The following CEP164 variants were observed in gnomAD, a reference collection of about 807,000 sequenced individuals.
CEP164 encodes centrosomal protein 164.
A neutral mutation model predicts 182.7 loss-of-function variants in CEP164; 162 were observed. That is an observed-to-expected ratio of 0.89 (90% CI 0.78 to 1.01). CEP164 has a LOEUF of 1.01. Ranked by LOEUF, CEP164 falls within the 50% of genes least tolerant of loss-of-function variation. CEP164 has a pLI of 0.00. For missense variants in CEP164, 1,735 were observed against 1,790.4 expected (o/e 0.97, Z 0.56); for synonymous variants, 661 against 690.0 (o/e 0.96, Z 0.66).
chr11:117,387,328 A>G lies in CEP164; in HGVS notation c.1850A>G (p.Lys617Arg), dbSNP rs781432026. The change falls in exon 15 of 33, where the codon AAG (lysine) becomes AGG (arginine). Residue 617 changes from lysine (K) to arginine (R), a missense_variant. By Grantham distance (26) the Lys-to-Arg change is conservative. Coordinates refer to ENST00000278935, the MANE Select transcript of CEP164 (RefSeq NM_014956.5). ...CACCTGCTGGAATCCAAGCAAGAGAAGATGCAGCAACTGCGGGAGAAGCTG... is the reference window on the plus strand; with the variant it reads ...CACCTGCTGGAATCCAAGCAAGAGAGGATGCAGCAACTGCGGGAGAAGCTG... Reference protein sequence around the residue: ...QRHLLESKQEKMQQLREKLCQ... With the variant: ...QRHLLESKQERMQQLREKLCQ... The G allele has an allele frequency of 6.2e-7, 1 of 1,614,204 alleles. No homozygotes were observed. Among genetic ancestry groups the G allele is most frequent in the African/African-American group, 1.3e-5 (1 of 75,060 alleles).
At chr11:117,363,600 GAA>G in intron 8 of CEP164, 94 bp downstream of exon 8, 1 of 865,774 alleles carries the variant, frequency 1.2e-6, no homozygotes. Flanking sequence ...TGCATATTTG[GAA>G]AAAGAACCAT....
Position 117,397,396 on chromosome 11 carries a change from C to T in CEP164, c.3501+83C>T, listed in dbSNP as rs80336002. 2.1e-3 allele frequency: 2,792 copies of T among 1,342,572 alleles called. 2 individuals carry two copies. The highest frequency in any genetic ancestry group is 2.6e-3 in the Non-Finnish European group (2,558 of 983,024). 83.2% of individuals were successfully genotyped at this position (1,342,572 alleles called of 1,614,324 possible). A position where few individuals can be genotyped will look rare whatever the true frequency, so the allele number is the denominator to read the frequency against. On this transcript the variant is annotated intron_variant, in intron 27 of 32. Coordinates refer to ENST00000278935, the MANE Select transcript of CEP164 (RefSeq NM_014956.5). ...CAAAACAGTCCTTTGGGCTCCCCCTCAGTTGGTCATTCTCGGGACTCCATG... is the reference window on the plus strand; with the variant it reads ...CAAAACAGTCCTTTGGGCTCCCCCTTAGTTGGTCATTCTCGGGACTCCATG...
At chr11:117,375,600 C>A in intron 10 of CEP164, 108 bp from the exon 11 acceptor site, 1 of 815,736 alleles carries the variant, frequency 1.2e-6, no homozygotes. Flanking sequence ...CAGAGCTGGG[C>A]ACATAATAGA....
chr11:117,341,101 A>C (rs578185253), intron 3 of CEP164, among the ~76,000 whole-genome samples: 67 of 152,356 alleles, frequency 4.4e-4, no homozygotes, highest in Admixed American at 7.2e-4. Flanking sequence ...TGCTGGGATT[A>C]CAGGTGTGAG....
chr11:117,339,920 A>G (rs1293180476), intron 3 of CEP164, among the ~76,000 whole-genome samples: 2 of 152,164 alleles, frequency 1.3e-5, no homozygotes, highest in Non-Finnish European at 2.9e-5. Context: ...AAGGCACAGA[A>G]AGATTAACTT....
At position 117,396,562 on chromosome 11, in the gene CEP164, G is replaced by A; in HGVS notation, c.3229G>A (p.Glu1077Lys). ...RKSLGTNQTK[E>K]VSSSLSQSKE... is the part of the protein sequence containing the mutation. The stretch of plus-strand genomic sequence containing the variant: ...CATGTGTCCCTAGAACCAGACCAAA[G>A]AGGTGTCTTCTTCTCTCTCCCAGAG... The change falls in exon 26 of 33, where the codon GAG becomes AAG. Residue 1077 changes from glutamate to lysine, a missense_variant. Physicochemically the swap from Glu to Lys is moderately conservative, Grantham distance 56. Coordinates refer to ENST00000278935, the MANE Select transcript of CEP164 (RefSeq NM_014956.5). 1 of 1,613,830 alleles carries A rather than the reference G, an allele frequency of 6.2e-7. No individual in the cohort carries two copies. The highest frequency in any genetic ancestry group is 8.5e-7 in the Non-Finnish European group (1 of 1,179,694).
At position 117,351,816 on chromosome 11, in the gene CEP164, A is replaced by G; in HGVS notation, c.221A>G (p.Tyr74Cys). The G allele has an allele frequency of 6.2e-7, 1 of 1,612,146 alleles. No homozygotes were observed. Among genetic ancestry groups the G allele is most frequent in the Admixed American group, 1.7e-5 (1 of 59,770 alleles). Residue 74 changes from tyrosine (Y) to cysteine (C), a missense_variant, in exon 5 of 33, where the codon TAT (tyrosine) becomes TGT (cysteine). Transcript: ENST00000278935. ...PCQDITGDIYYFNFANGQSMW... is the reference protein window; with the variant it reads ...PCQDITGDIYCFNFANGQSMW... ...CAGGACATCACAGGTGACATTTACT[A>G]TTTCAACTTCGCCAACGGGCAGTCT...
chr11:117,371,035 A>C, intron 8 of CEP164, 45 bp from the exon 9 acceptor site: 1 of 1,521,346 alleles, frequency 6.6e-7, no homozygotes, highest in Non-Finnish European at 8.8e-7. Flanking sequence ...CTCCTTTTGC[A>C]CATTCCTTTT....
chr11:117,381,503 G>A (rs1013680631), intron 12 of CEP164, among the ~76,000 whole-genome samples, 198 bp from the exon 13 acceptor site: 1 of 152,128 alleles, frequency 6.6e-6, no homozygotes, highest in African/African-American at 2.4e-5. Flanking sequence ...TAAAAGGAGG[G>A]CTCAGGAGGG....
intron 13 of CEP164, 141 bp downstream of exon 13, chr11:117,382,009 C>G: frequency 1.4e-6 from 1 of 699,944 alleles, no homozygotes; most frequent in South Asian, 2.1e-5. Flanking sequence ...GGTTTGTAGC[C>G]TCAGCAGCAG....
intron 27 of CEP164, among the ~76,000 whole-genome samples, chr11:117,405,431 G>A (rs551219569): frequency 1.2e-4 from 19 of 152,106 alleles, no homozygotes; most frequent in Middle Eastern, 3.2e-3. Flanking sequence ...CTTGTGCTTC[G>A]TGGGTGAGGC....
intron 8 of CEP164, among the ~76,000 whole-genome samples, chr11:117,370,230 AG>A (rs1233435796): frequency 2.6e-5 from 4 of 151,812 alleles, no homozygotes; most frequent in African/African-American, 4.8e-5. Context: ...GTGCTCGGTG[AG>A]GATGCTGTCT....
At chr11:117,327,205 A>C (rs1372444662), upstream of CEP164, among the ~76,000 whole-genome samples, 1 of 152,154 alleles carries the variant, frequency 6.6e-6, no homozygotes, top group Non-Finnish European at 1.5e-5. Flanking sequence ...GTTTAATAGG[A>C]GCACAGGAGA....
chr11:117,322,972 C>A (rs2035307981), upstream of CEP164, among the ~76,000 whole-genome samples: 1 of 151,792 alleles, frequency 6.6e-6, no homozygotes, highest in Admixed American at 6.6e-5. Context: ...CACTGTGTTG[C>A]CCAGGCTGGT....
Position 117,412,128 on chromosome 11 carries a change from GC to G in CEP164, c.4345del (p.Asp1450MetfsTer6). The G allele has an allele frequency of 6.2e-7, 1 of 1,614,190 alleles. No homozygotes were observed. The highest frequency in any genetic ancestry group is 1.3e-5 in the African/African-American group (1 of 75,046). ...PKATLSLLQLGLDEHNRVKVY... is the reference protein window; with the variant it reads ...PKATLSLLQLXLDEHNRVKVY... The stretch of plus-strand genomic sequence containing the variant: ...GCTACTTTGAGCCTCCTGCAGCTGG[GC>G]CTTGATGAGCACAACAGAGTGAAGG... On this transcript the variant is annotated frameshift_variant, in exon 33 of 33. Transcript: ENST00000278935. LOFTEE classifies it high-confidence loss of function.
In CEP164 at chr11:117,351,982, T is replaced by C. The variant is rs769536701; in HGVS notation, c.387T>C (p.Ser129=). 8.3e-6 allele frequency: 13 copies of C among 1,571,342 alleles called. No homozygotes were observed. The highest frequency in any genetic ancestry group is 1.1e-5 in the Non-Finnish European group (13 of 1,158,422). The change falls in exon 5 of 33, where the codon AGT becomes AGC. Residue 129 remains serine (S), a synonymous_variant. Coordinates refer to ENST00000278935, the MANE Select transcript of CEP164 (RefSeq NM_014956.5). ...AGAAGGACAGAGACCCCCCCAAAAGTTCGCTGGTGAGTCAGTGGATGCCTC... is the reference window on the plus strand; with the variant it reads ...AGAAGGACAGAGACCCCCCCAAAAGCTCGCTGGTGAGTCAGTGGATGCCTC... ...KDKKDRDPPK[S]SLALGSSLAP... is the part of the protein sequence containing the mutation.
Position 117,394,927 on chromosome 11 carries a change from AG to A in CEP164, c.2769del (p.Lys923AsnfsTer5), listed in dbSNP as rs1464192510. On this transcript the variant is annotated frameshift_variant, in exon 22 of 33. Transcript: ENST00000278935. LOFTEE classifies it high-confidence loss of function. The surrounding 1 kb of genome is among the most constrained non-coding windows in gnomAD (Gnocchi z 4.0). Reference sequence around the variant, plus strand: ...GTTTCCCTTTCTGGGCAGGAAAGGAAGCTCCAGGATTTAGAGTTGGACCTTG... The same window carrying A: ...GTTTCCCTTTCTGGGCAGGAAAGGAACTCCAGGATTTAGAGTTGGACCTTG... ...LRRRHREQER[K>X]LQDLELDLET... is the part of the protein sequence containing the mutation. The A allele has an allele frequency of 1.2e-6, 2 of 1,613,996 alleles. No homozygotes were observed. The highest frequency in any genetic ancestry group is 1.7e-6 in the Non-Finnish European group (2 of 1,179,998).
At chr11:117,388,841 C>T (rs2044250883) in intron 15 of CEP164, among the ~76,000 whole-genome samples, 1 of 151,540 alleles carries the variant, frequency 6.6e-6, no homozygotes, top group Non-Finnish European at 1.5e-5. Flanking sequence ...ACTCGGCTCA[C>T]TGCAAGCTCC....
intron 27 of CEP164, among the ~76,000 whole-genome samples, chr11:117,397,825 A>G (rs1349013109): frequency 6.6e-6 from 1 of 152,214 alleles, no homozygotes; most frequent in Non-Finnish European, 1.5e-5. Context: ...TTATGGGAGT[A>G]CAATTCAAGA....
Sources: gnomAD v4.1 joint callset for allele counts (sites outside exome capture counted in the v4.1 genomes callset) on GRCh38, gnomAD v4.1.1 for gene constraint, Gnocchi (gnomAD v3.1) non-coding constraint, MANE v1.5 for transcripts, NCBI Gene and HGNC (gene_info 2026-07-23, HGNC 2026-07-21) for gene names.